ATG9B: variants seen among roughly 807,000 people sequenced by gnomAD.
ATG9B encodes the protein autophagy-related protein 9B.
A neutral mutation model predicts 92.9 loss-of-function variants in ATG9B; 92 were observed. The ratio of observed to expected loss-of-function variants is 0.99; its 90% CI spans 0.84 to 1.18. The LOEUF (loss-of-function observed/expected upper bound fraction) is 1.18, where lower values mean the gene tolerates loss of function less well. Among genes scored for constraint, ATG9B ranks in the 50% most tolerant of loss-of-function variants. The pLI is 0.00. For missense variants in ATG9B, 1,344 were observed against 1,235.0 expected (o/e 1.09, Z -1.32); for synonymous variants, 599 against 551.4 (o/e 1.09, Z -1.21).
chr7:151,012,534 G>A (rs1795328848), downstream of ATG9B: 1 of 1,553,968 alleles, frequency 6.4e-7, no homozygotes, highest in Non-Finnish European at 8.8e-7. Flanking sequence ...CAGAGGGGTG[G>A]GGCTGGAAGG....
chr7:151,018,020 G>T lies in ATG9B; in HGVS notation c.1903C>A (p.Leu635Ile), dbSNP rs757283150. 3.8e-6 allele frequency: 6 copies of T among 1,598,152 alleles called. No individual in the cohort carries two copies. The highest frequency in any genetic ancestry group is 5.1e-6 in the Non-Finnish European group (6 of 1,171,996). Reference sequence around the variant, plus strand: ...AAAAGCAGAAACAGCGGGGTGAGGAGCGGGGACAGGAGCTCCTCCAGGAGG... The same window carrying T: ...AAAAGCAGAAACAGCGGGGTGAGGATCGGGGACAGGAGCTCCTCCAGGAGG... ...VSLLEELLSP[L>I]LTPLFLLFWF... The change falls in exon 8 of 14, where the codon CTC becomes ATC. Residue 635 changes from leucine (L) to isoleucine (I), a missense_variant. Transcript: ENST00000639579. The surrounding 1 kb of genome is among the most constrained non-coding windows in gnomAD (Gnocchi z 4.7).
chr7:151,018,383 C>T lies in ATG9B; in HGVS notation c.1783G>A (p.Ala595Thr). ...TCCTCCGGGAGGTAGTGCATGTGGG[C>T]CAGGGCTGTCTGCAGCAGGAGCTGC... ...APQLLLQTAL[A>T]HMHYLPEEPG... is the part of the protein sequence containing the mutation. Residue 595 changes from alanine to threonine, a missense_variant, in exon 7 of 14, where the codon GCC becomes ACC. Ala to Thr is a moderately conservative substitution (Grantham distance 58). Coordinates refer to ENST00000639579, the MANE Select transcript of ATG9B (RefSeq NM_001317056.2). This position sits in a 1 kb window ranked among gnomAD's most constrained non-coding sequence, Gnocchi z 4.7. 1 of 1,590,188 alleles carries T rather than the reference C, an allele frequency of 6.3e-7. No homozygotes were observed. The highest frequency in any genetic ancestry group is 8.5e-7 in the Non-Finnish European group (1 of 1,170,346).
intron 10 of ATG9B, 74 bp downstream of exon 10, chr7:151,016,614 C>G: frequency 1.9e-6 from 3 of 1,544,852 alleles, no homozygotes; most frequent in Non-Finnish European, 2.6e-6. Flanking sequence ...CCCCTCAGCG[C>G]CCCAGCTCCC....
At chr7:151,023,234 A>C (rs747742271) in intron 3 of ATG9B, 28 bp from the exon 4 acceptor site, 1 of 1,613,856 alleles carries the variant, frequency 6.2e-7, no homozygotes, top group East Asian at 2.2e-5. Flanking sequence ...GGGTGCCGGG[A>C]TGCTGCAGTG....
chr7:151,018,101 C>G lies in ATG9B; in HGVS notation c.1873-51G>C. 6.6e-7 allele frequency: 1 copy of G among 1,525,428 alleles called. No homozygotes were observed. Among genetic ancestry groups the G allele is most frequent in the Non-Finnish European group, 8.8e-7 (1 of 1,135,204 alleles). 94.5% of individuals were successfully genotyped at this position (1,525,428 alleles called of 1,614,324 possible). ...CAGGGGTCGCTGAGGGGCCCACGCG[C>G]GTTATCAGGACCAAGCAGTCCCCAG... On this transcript the variant is annotated intron_variant, in intron 7 of 13. Transcript: ENST00000639579. This position sits in a 1 kb window ranked among gnomAD's most constrained non-coding sequence, Gnocchi z 4.7.
chr7:151,017,554 C>T (rs548701800), intron 8 of ATG9B, among the ~76,000 whole-genome samples: 3 of 152,302 alleles, frequency 2.0e-5, no homozygotes, highest in Admixed American at 2.0e-4. Flanking sequence ...CAGCCCCACC[C>T]ACCGGCCAAG....
Position 151,016,212 on chromosome 7 carries a change from C to T in ATG9B, c.2544G>A (p.Gln848=). Reference sequence around the variant, plus strand: ...AGGCTGCAGCCTCACCCCACGGCTCCTGCTGCTGCTGCTGCTGGTGAAGCT... The same window carrying T: ...AGGCTGCAGCCTCACCCCACGGCTCTTGCTGCTGCTGCTGCTGGTGAAGCT... ...LHQLHQQQQQ[Q]EPWGEAAASI... Residue 848 remains glutamine, a synonymous_variant, in exon 12 of 14, where the codon CAG becomes CAA. Transcript: ENST00000639579. 22 of 1,358,602 alleles carry T rather than the reference C, an allele frequency of 1.6e-5. No individual in the cohort carries two copies. Among genetic ancestry groups the T allele is most frequent in the Non-Finnish European group, 2.1e-5 (22 of 1,038,176 alleles). The allele number at this position is 1,358,602 out of a possible 1,614,324, so 84.2% of individuals were successfully genotyped here. A position where few individuals can be genotyped will look rare whatever the true frequency, so the allele number is the denominator to read the frequency against.
chr7:151,014,135 T>C, downstream of ATG9B: 1 of 1,611,508 alleles, frequency 6.2e-7, no homozygotes, highest in South Asian at 1.1e-5. Context: ...CCCTGGGCGT[T>C]CGACCCTCCC....
intron 5 of ATG9B, chr7:151,020,850 C>G (rs980416151): frequency 4.2e-6 from 1 of 240,388 alleles, no homozygotes; most frequent in Non-Finnish European, 8.2e-6. Context: ...CTGTCCTGCC[C>G]TTCCGAAGCC....
rs1438785613 is a variant in ATG9B, at chr7:151,017,151, G to A, written c.2174C>T (p.Ser725Phe). The A allele has an allele frequency of 6.2e-7, 1 of 1,613,204 alleles. No homozygotes were observed. Residue 725 changes from serine (S) to phenylalanine (F), a missense_variant, in exon 9 of 14, where the codon TCT (serine) becomes TTT (phenylalanine). Ser to Phe is a radical substitution (Grantham distance 155). Transcript: ENST00000639579. ...GCCCCAGAGGTGCCCAAGAAACTTA[G>A]AGCTGTGCCCTGGGGGGCGCCAGAG... ...HPLWRPPGHS[S>F]KFLGHLWGRV...
At position 151,018,610 on chromosome 7, in the gene ATG9B, G is replaced by C; in HGVS notation, c.1718+10C>G. 1 of 1,595,938 alleles carries C rather than the reference G, an allele frequency of 6.3e-7. No homozygotes were observed. The highest frequency in any genetic ancestry group is 8.5e-7 in the Non-Finnish European group (1 of 1,175,386). ...ACACACACCACCACCCCGGGCATCT[G>C]CCGTCGCACCTGGCGACGGTGGCGG... On this transcript the variant is annotated intron_variant, in intron 6 of 13. Coordinates refer to ENST00000639579, the MANE Select transcript of ATG9B (RefSeq NM_001317056.2). This position sits in a 1 kb window ranked among gnomAD's most constrained non-coding sequence, Gnocchi z 4.7.
At position 151,017,288 on chromosome 7, in the gene ATG9B, GTCTT is replaced by G. The variant is rs1260093755; in HGVS notation, c.2053-20_2053-17del. ...CCGAGAGCCACTGTGAGCAAGGACA[GTCTT>G]TCAGGTGCTAAGAACACTGAGCCTT... On this transcript the variant is annotated splice_polypyrimidine_tract_variant and intron_variant, in intron 8 of 13. Transcript: ENST00000639579. The G allele has an allele frequency of 6.4e-7, 1 of 1,566,282 alleles. No homozygotes were observed. Among genetic ancestry groups the G allele is most frequent in the Admixed American group, 1.8e-5 (1 of 55,240 alleles).
chr7:151,021,428 G>C, intron 4 of ATG9B, 99 bp from the exon 5 acceptor site: 1 of 1,442,182 alleles, frequency 6.9e-7, no homozygotes, highest in Non-Finnish European at 9.2e-7. Context: ...TGAGGAGGGG[G>C]ATCTAGCTAG....
intron 5 of ATG9B, among the ~76,000 whole-genome samples, 181 bp from the exon 6 acceptor site, chr7:151,019,555 C>T (rs984199588): frequency 2.6e-5 from 4 of 152,330 alleles, no homozygotes; most frequent in Middle Eastern, 3.4e-3. Context: ...TCCCTTAACC[C>T]TGTCACTAAC....
In ATG9B at chr7:151,015,929, C is replaced by T; in HGVS notation, c.2742G>A (p.Gln914=). The change falls in exon 13 of 14, where the codon CAG becomes CAA. Residue 914 remains glutamine (Q), a synonymous_variant. Transcript: ENST00000639579. ...TGCAAGAGGCCCGGTCAGGCTCCTT[C>T]TGGGTGTCTGTGGTCACCTGAAACC... is the stretch of plus-strand genomic sequence containing the variant. ...PGGFQVTTDT[Q]KEPDRASCTD The T allele has an allele frequency of 6.4e-6, 10 of 1,551,710 alleles. No individual in the cohort carries two copies. Among genetic ancestry groups the T allele is most frequent in the Non-Finnish European group, 8.7e-6 (10 of 1,146,984 alleles).
At chr7:151,021,056 G>A (rs1432373176) in intron 5 of ATG9B, 132 bp downstream of exon 5, 3 of 1,059,334 alleles carry the variant, frequency 2.8e-6, no homozygotes. Flanking sequence ...GCCTAGGGCA[G>A]GTGTCAATAA....
At position 151,017,167 on chromosome 7, in the gene ATG9B, G is replaced by A. The variant is rs2117156307; in HGVS notation, c.2158C>T (p.Pro720Ser). 3.7e-6 allele frequency: 6 copies of A among 1,613,174 alleles called. No homozygotes were observed. Among genetic ancestry groups the A allele is most frequent in the Non-Finnish European group, 5.1e-6 (6 of 1,179,814 alleles). ...AGAAACTTAGAGCTGTGCCCTGGGG[G>A]GCGCCAGAGTGGATGCGCCAGGGAG... ...RFSLAHPLWR[P>S]PGHSSKFLGH... Residue 720 changes from proline (P) to serine (S), a missense_variant, in exon 9 of 14, where the codon CCC becomes TCC. Transcript: ENST00000639579.
At chr7:151,013,848 T>G, downstream of ATG9B, 1 of 1,605,724 alleles carries the variant, frequency 6.2e-7, no homozygotes, top group South Asian at 1.1e-5. Flanking sequence ...CTGCAGACCG[T>G]GCAGCGCATC....
At position 151,021,242 on chromosome 7, in the gene ATG9B, G is replaced by A. The variant is rs774754171; in HGVS notation, c.909C>T (p.Leu303=). 16 of 1,613,590 alleles carry A rather than the reference G, an allele frequency of 9.9e-6. No homozygotes were observed. Among genetic ancestry groups the A allele is most frequent in the Non-Finnish European group, 9.3e-6 (11 of 1,179,944 alleles). ...ACACCTGGATGTCCCAGTAGCTGAAGAGGTTGCAGACTGAGCGAAGCAGTT... is the reference window on the plus strand; with the variant it reads ...ACACCTGGATGTCCCAGTAGCTGAAAAGGTTGCAGACTGAGCGAAGCAGTT... The part of the protein sequence containing the change: ...LVQLLRSVCN[L]FSYWDIQVFY... The change falls in exon 5 of 14, where the codon CTC becomes CTT. Residue 303 remains leucine, a synonymous_variant. Transcript: ENST00000639579.
Sources: allele counts gnomAD v4.1 joint callset (sites outside exome capture counted in the v4.1 genomes callset), GRCh38; gene constraint gnomAD v4.1.1; non-coding constraint Gnocchi (gnomAD v3.1); transcripts MANE v1.5; gene names NCBI Gene and HGNC (gene_info 2026-07-23, HGNC 2026-07-21).